Variants in ADAMTSL3 observed in about 807,000 individuals in gnomAD.
The protein encoded by ADAMTSL3 is ADAMTS like 3, also known as ADAMTS-like protein 3.
ADAMTSL3 carries 128 observed loss-of-function variants against 201.7 expected under a neutral mutation model. That is an observed-to-expected ratio of 0.63 (90% CI 0.55 to 0.73). The LOEUF (loss-of-function observed/expected upper bound fraction) is 0.73. Among genes scored for constraint, ADAMTSL3 ranks in the 30% least tolerant of loss-of-function variants. The pLI is 0.00. For missense variants in ADAMTSL3, 1,990 were observed against 2,119.6 expected (o/e 0.94, Z 1.20); for synonymous variants, 738 against 748.4 (o/e 0.99, Z 0.23).
chr15:83,950,906 CTT>C (rs888881541), intron 19 of ADAMTSL3, among the ~76,000 whole-genome samples: 5 of 150,782 alleles, frequency 3.3e-5, no homozygotes, highest in African/African-American at 1.2e-4. Flanking sequence ...TTGGTGGAGT[CTT>C]TAGGTTTTTC....
intron 3 of ADAMTSL3, among the ~76,000 whole-genome samples, chr15:83,706,381 T>A (rs2061851425): frequency 6.6e-6 from 1 of 152,170 alleles, no homozygotes; most frequent in Admixed American, 6.5e-5. Context: ...GGAAATTTCA[T>A]CCTAGGACAT....
intron 2 of ADAMTSL3, among the ~76,000 whole-genome samples, chr15:83,683,554 C>T (rs2061500911): frequency 6.6e-6 from 1 of 152,196 alleles, no homozygotes; most frequent in African/African-American, 2.4e-5. Context: ...GGGCCCCTCA[C>T]ACAATCTAGA....
Position 83,924,065 on chromosome 15 carries a change from C to T in ADAMTSL3, c.2117+32C>T, listed in dbSNP as rs377365670. The T allele has an allele frequency of 2.4e-5, 38 of 1,611,158 alleles. 1 individual carries two copies. In the Middle Eastern group the frequency reaches 4.9e-4, roughly 21 times the overall value. ...GCTGTCTTGTGTTCCTGGTATATAC[C>T]GTGTCCGGGTGGTAACACCCTCCCT... On this transcript the variant is annotated intron_variant, in intron 17 of 29. Coordinates refer to ENST00000286744, the MANE Select transcript of ADAMTSL3 (RefSeq NM_207517.3).
intron 3 of ADAMTSL3, among the ~76,000 whole-genome samples, chr15:83,730,889 G>A (rs796881350): frequency 2.0e-5 from 3 of 152,154 alleles, no homozygotes; most frequent in African/African-American, 7.2e-5. Flanking sequence ...TCTTCTAAGA[G>A]TTTTATGGTG....
In ADAMTSL3 at chr15:83,704,646, G is replaced by C. The variant is rs2061823219; in HGVS notation, c.189+138G>C. On this transcript the variant is annotated intron_variant, in intron 3 of 29. Transcript: ENST00000286744. Reference sequence around the variant, plus strand: ...CAACAGACCCTTGACACCCTTGAAGGATCCCAGAATATGTGGATTGCCCAT... The same window carrying C: ...CAACAGACCCTTGACACCCTTGAAGCATCCCAGAATATGTGGATTGCCCAT... 5.2e-6 allele frequency: 6 copies of C among 1,161,218 alleles called. No individual in the cohort carries two copies. The East Asian group carries it at 1.5e-4, about 29-fold the overall frequency. 71.9% of individuals were successfully genotyped at this position (1,161,218 alleles called of 1,614,324 possible).
At chr15:83,794,141 C>T (rs891383022) in intron 4 of ADAMTSL3, among the ~76,000 whole-genome samples, 9 of 152,148 alleles carry the variant, frequency 5.9e-5, no homozygotes, top group African/African-American at 2.2e-4. Flanking sequence ...GAATAGCTTT[C>T]AAAAGGTTCA....
chr15:83,827,045 C>G (rs1236974569), intron 6 of ADAMTSL3, among the ~76,000 whole-genome samples: 1 of 152,128 alleles, frequency 6.6e-6, no homozygotes, highest in Admixed American at 6.5e-5. Flanking sequence ...ATGGCTGGGT[C>G]AAATGGTATT....
intron 2 of ADAMTSL3, among the ~76,000 whole-genome samples, chr15:83,690,925 G>T (rs1188176465): frequency 5.3e-5 from 8 of 152,202 alleles, no homozygotes; most frequent in African/African-American, 1.9e-4. Flanking sequence ...AATATGCCTT[G>T]TCAAAATATG....
At chr15:83,829,908 C>G (rs1296986081) in intron 6 of ADAMTSL3, among the ~76,000 whole-genome samples, 4 of 152,164 alleles carry the variant, frequency 2.6e-5, no homozygotes, top group African/African-American at 7.2e-5. Context: ...GTTATCATTT[C>G]TGTTCTTTTA....
At chr15:83,674,648 T>A (rs12903888) in intron 2 of ADAMTSL3, among the ~76,000 whole-genome samples, 4 of 147,258 alleles carry the variant, frequency 2.7e-5, no homozygotes, top group African/African-American at 9.9e-5. Flanking sequence ...TACACACATA[T>A]ACATATACAC....
At chr15:83,906,623 CACA>C (rs2065840313) in intron 15 of ADAMTSL3, among the ~76,000 whole-genome samples, 2 of 648 alleles carry the variant, frequency 3.1e-3, no homozygotes, top group Admixed American at 0.016. Context: ...TGCCACACAC[CACA>C]CACACACACA....
At chr15:83,762,282 G>C (rs2062819880) in intron 3 of ADAMTSL3, among the ~76,000 whole-genome samples, 2 of 152,104 alleles carry the variant, frequency 1.3e-5, no homozygotes, top group Admixed American at 1.3e-4. Flanking sequence ...ATGTGGAAAG[G>C]GAGTAGAGTT....
At chr15:83,666,955 G>A (rs994647572) in intron 2 of ADAMTSL3, among the ~76,000 whole-genome samples, 2 of 151,816 alleles carry the variant, frequency 1.3e-5, no homozygotes, top group East Asian at 1.9e-4. Context: ...TATACAAAGA[G>A]TATTAATTTT....
At chr15:83,901,630 G>C (rs766395898) in intron 15 of ADAMTSL3, among the ~76,000 whole-genome samples, 1 of 152,154 alleles carries the variant, frequency 6.6e-6, no homozygotes, top group African/African-American at 2.4e-5. Flanking sequence ...AAGTGTATAC[G>C]TATGTGTTTG....
At chr15:84,035,883 A>T (rs1370750115) in intron 28 of ADAMTSL3, among the ~76,000 whole-genome samples, 1 of 152,048 alleles carries the variant, frequency 6.6e-6, no homozygotes, top group East Asian at 1.9e-4. Flanking sequence ...TTTGCTCTTT[A>T]TGAAAACTGG....
intron 3 of ADAMTSL3, among the ~76,000 whole-genome samples, chr15:83,761,225 A>T (rs1216782510): frequency 6.6e-6 from 1 of 152,106 alleles, no homozygotes; most frequent in Non-Finnish European, 1.5e-5. Context: ...TTCATGGATG[A>T]TACAAGGACC....
At chr15:83,858,949 C>A (rs1274299442) in intron 8 of ADAMTSL3, 109 bp downstream of exon 8, 1 of 895,326 alleles carries the variant, frequency 1.1e-6, no homozygotes, top group East Asian at 2.6e-5. Flanking sequence ...AAAAAACTTT[C>A]TCTAAGTTAA....
rs200518847 is a variant in ADAMTSL3 at position 83,819,163 on chromosome 15, AG to A, written c.364-642del. ...CGGGCGCCTGTAGTCCCAGCTACTC[AG>A]GGGGGCTGAAGCAGGAGAATCGCTT... is the stretch of plus-strand genomic sequence containing the variant. On this transcript the variant is annotated intron_variant, in intron 5 of 29. Coordinates refer to ENST00000286744, the MANE Select transcript of ADAMTSL3 (RefSeq NM_207517.3). Among the ~76,000 whole-genome samples, 1,458 of 149,010 alleles carry A rather than the reference AG, an allele frequency of 9.8e-3. 26 individuals carry two copies. The highest frequency in any genetic ancestry group is 0.034 in the African/African-American group (1,371 of 40,558).
chr15:83,891,072 C>G, intron 11 of ADAMTSL3: 1 of 381,138 alleles, frequency 2.6e-6, no homozygotes, highest in Non-Finnish European at 4.7e-6. Flanking sequence ...TTGCAAGATA[C>G]TTTTCTCCTT....
Sources: allele counts gnomAD v4.1 joint callset (sites outside exome capture counted in the v4.1 genomes callset), GRCh38; gene constraint gnomAD v4.1.1; transcripts MANE v1.5; gene names NCBI Gene and HGNC (gene_info 2026-07-23, HGNC 2026-07-21).